Variants in KCNMB4 observed in about 807,000 individuals in gnomAD.
The protein encoded by KCNMB4 is potassium calcium-activated channel subfamily M regulatory beta subunit 4.
KCNMB4 carries 3 observed loss-of-function variants against 20.7 expected under a neutral mutation model. The ratio of observed to expected loss-of-function variants is 0.14; its 90% CI spans 0.07 to 0.37. The LOEUF (loss-of-function observed/expected upper bound fraction) is 0.37. Ranked by LOEUF, KCNMB4 falls within the 10% of genes least tolerant of loss-of-function variation. KCNMB4 has a pLI of 1.00. For synonymous variants in KCNMB4, 110 were observed against 113.4 expected (o/e 0.97, Z 0.19); for missense variants, 168 against 265.9 (o/e 0.63, Z 2.56).
chr12:70,425,173 A>G (rs541144099), intron 2 of KCNMB4, among the ~76,000 whole-genome samples: 16 of 152,206 alleles, frequency 1.1e-4, no homozygotes, highest in Admixed American at 7.2e-4. Flanking sequence ...GTGGTGGCTC[A>G]TGCCTGTAAT....
intron 2 of KCNMB4, among the ~76,000 whole-genome samples, chr12:70,407,465 T>C (rs899542059): frequency 7.4e-4 from 91 of 123,540 alleles, no homozygotes; most frequent in Non-Finnish European, 1.3e-3. Flanking sequence ...GAATTCTTTT[T>C]TTTTTTTTTT....
chr12:70,381,628 C>T (rs1212170080), intron 1 of KCNMB4, among the ~76,000 whole-genome samples: 2 of 152,048 alleles, frequency 1.3e-5, no homozygotes, highest in Admixed American at 6.5e-5. Flanking sequence ...AAAAAACACA[C>T]GTTATATGAG....
chr12:70,378,910 T>C lies in KCNMB4; in HGVS notation c.336+11840T>C, dbSNP rs112399403. On this transcript the variant is annotated intron_variant, in intron 1 of 2. Transcript: ENST00000258111. ...TGATCCATGGGCTGCAGTATGGATGTCATGTTAGCAGGCATGAAAACAACA... is the reference window on the plus strand; with the variant it reads ...TGATCCATGGGCTGCAGTATGGATGCCATGTTAGCAGGCATGAAAACAACA... 9.9e-3 allele frequency among the ~76,000 whole-genome samples: 1,505 copies of C among 152,298 alleles called. 16 individuals carry two copies. The highest frequency in any genetic ancestry group is 0.015 in the Non-Finnish European group (1,053 of 68,016).
intron 1 of KCNMB4, among the ~76,000 whole-genome samples, chr12:70,388,331 G>C (rs777507603): frequency 7.9e-5 from 12 of 151,830 alleles, no homozygotes; most frequent in African/African-American, 2.9e-4. Flanking sequence ...CTTTTCTTTT[G>C]GGTATATACC....
At chr12:70,407,527 G>A (rs1049548172) in intron 2 of KCNMB4, among the ~76,000 whole-genome samples, 4 of 138,194 alleles carry the variant, frequency 2.9e-5, no homozygotes, top group Non-Finnish European at 6.0e-5. Flanking sequence ...GAGTGCAGTG[G>A]CTTGATCTCT....
rs1402945718 is a variant in KCNMB4 at position 70,431,789 on chromosome 12, CTATTTACT to C, written c.*1137_*1144del. The C allele has an allele frequency of 1.3e-5, 2 of 152,106 alleles. No individual in the cohort carries two copies. The highest frequency in any genetic ancestry group is 4.8e-5 in the African/African-American group (2 of 41,406). 9.4% of individuals were successfully genotyped at this position (152,106 alleles called of 1,614,324 possible). A position where few individuals can be genotyped will look rare whatever the true frequency, so the allele number is the denominator to read the frequency against. ...TCGCAGGTCTCAGTGAACATCAAAC[CTATTTACT>C]ACATAGAATCAAACCTTTGTTTAGG... On this transcript the variant is annotated 3_prime_UTR_variant, in exon 3 of 3. Coordinates refer to ENST00000258111, the MANE Select transcript of KCNMB4 (RefSeq NM_014505.6).
rs1883497114 is a variant in KCNMB4, at chr12:70,366,637, G to A, written c.-98G>A. 58 of 895,002 alleles carry A rather than the reference G, an allele frequency of 6.5e-5. No homozygotes were observed. Among genetic ancestry groups the A allele is most frequent in the Non-Finnish European group, 7.7e-5 (53 of 691,916 alleles). 55.4% of individuals were successfully genotyped at this position (895,002 alleles called of 1,614,324 possible). On this transcript the variant is annotated 5_prime_UTR_variant, in exon 1 of 3. Transcript: ENST00000258111. ...TCCCCTGCTGTCGCGCGGCGGCGGCGGTGGCGGCGGCGGCTCCTCCCGCCC... is the reference window on the plus strand; with the variant it reads ...TCCCCTGCTGTCGCGCGGCGGCGGCAGTGGCGGCGGCGGCTCCTCCCGCCC...
intron 1 of KCNMB4, among the ~76,000 whole-genome samples, chr12:70,397,364 T>A (rs1465200883): frequency 6.6e-6 from 1 of 152,154 alleles, no homozygotes; most frequent in Non-Finnish European, 1.5e-5. Context: ...AAAAATTCTT[T>A]CCAGGCAATG....
At chr12:70,377,381 T>G (rs1883705982) in intron 1 of KCNMB4, among the ~76,000 whole-genome samples, 1 of 152,226 alleles carries the variant, frequency 6.6e-6, no homozygotes, top group Non-Finnish European at 1.5e-5. Context: ...ACATTTATAC[T>G]ATATTAATGT....
At chr12:70,419,822 A>G (rs964706698) in intron 2 of KCNMB4, among the ~76,000 whole-genome samples, 1 of 152,234 alleles carries the variant, frequency 6.6e-6, no homozygotes, top group South Asian at 2.1e-4. Flanking sequence ...GAGGATGGAT[A>G]TTAAAATTGC....
intron 1 of KCNMB4, among the ~76,000 whole-genome samples, chr12:70,393,628 T>C (rs1387168219): frequency 6.6e-6 from 1 of 152,216 alleles, no homozygotes; most frequent in African/African-American, 2.4e-5. Context: ...TAAGTGAATA[T>C]TATTAAATTC....
chr12:70,388,956 C>T (rs1234604915), intron 1 of KCNMB4, among the ~76,000 whole-genome samples: 2 of 148,700 alleles, frequency 1.3e-5, no homozygotes, highest in Non-Finnish European at 3.0e-5. Flanking sequence ...CTGGTTTTAA[C>T]TATTTTTAGG....
At chr12:70,377,220 A>G (rs1883703489) in intron 1 of KCNMB4, among the ~76,000 whole-genome samples, 2 of 152,234 alleles carry the variant, frequency 1.3e-5, no homozygotes, top group African/African-American at 4.8e-5. Flanking sequence ...AAACAAAACC[A>G]TCTTGAAAAA....
rs182533251 is a variant in KCNMB4 at position 70,419,572 on chromosome 12, T to A, written c.465-10913T>A. On this transcript the variant is annotated intron_variant, in intron 2 of 2. Coordinates refer to ENST00000258111, the MANE Select transcript of KCNMB4 (RefSeq NM_014505.6). ...AAAATTCAGAATTAAAAAAAAATAT[T>A]CAAAGGATAGTTAATGAACAAAAAC... 6.4e-3 allele frequency among the ~76,000 whole-genome samples: 972 copies of A among 152,170 alleles called. 17 individuals are homozygous for A. The highest frequency in any genetic ancestry group is 0.022 in the Admixed American group (330 of 15,280).
intron 1 of KCNMB4, among the ~76,000 whole-genome samples, chr12:70,385,571 G>A (rs1868250599): frequency 6.6e-6 from 1 of 152,124 alleles, no homozygotes; most frequent in Non-Finnish European, 1.5e-5. Context: ...AAGATATGCT[G>A]AGCATCTTCA....
In KCNMB4 at chr12:70,396,934, C is replaced by T. The variant is rs75425963; in HGVS notation, c.337-3275C>T. ...TTTATGTAAAAATTCTGGCAATCTACGATGATACACTAAGTGAATTGAGAA... is the reference window on the plus strand; with the variant it reads ...TTTATGTAAAAATTCTGGCAATCTATGATGATACACTAAGTGAATTGAGAA... On this transcript the variant is annotated intron_variant, in intron 1 of 2. Coordinates refer to ENST00000258111, the MANE Select transcript of KCNMB4 (RefSeq NM_014505.6). Among the ~76,000 whole-genome samples, 561 of 152,208 alleles carry T rather than the reference C, an allele frequency of 3.7e-3. 3 individuals are homozygous for T. The highest frequency in any genetic ancestry group is 6.1e-3 in the Non-Finnish European group (413 of 68,028).
In KCNMB4 at chr12:70,366,677, C is replaced by A. The variant is rs1237873379; in HGVS notation, c.-58C>A. The A allele has an allele frequency of 3.1e-6, 4 of 1,294,104 alleles. No homozygotes were observed. The highest frequency in any genetic ancestry group is 3.3e-5 in the East Asian group (1 of 30,234). The allele number at this position is 1,294,104 out of a possible 1,614,324, so 80.2% of individuals were successfully genotyped here. A position where few individuals can be genotyped will look rare whatever the true frequency, so the allele number is the denominator to read the frequency against. Reference sequence around the variant, plus strand: ...TCCTCCCGCCCGAGGCAGTCGGGCTCGGCGCCGGGGGCGGGAGGGGGCGGG... The same window carrying A: ...TCCTCCCGCCCGAGGCAGTCGGGCTAGGCGCCGGGGGCGGGAGGGGGCGGG... On this transcript the variant is annotated 5_prime_UTR_variant, in exon 1 of 3. Transcript: ENST00000258111.
chr12:70,395,602 T>C (rs1868344047), intron 1 of KCNMB4, among the ~76,000 whole-genome samples: 1 of 152,186 alleles, frequency 6.6e-6, no homozygotes, highest in Non-Finnish European at 1.5e-5. Context: ...TAATCAAGCA[T>C]TCCATGTTGT....
In KCNMB4 at chr12:70,413,525, C is replaced by A. The variant is rs542907102; in HGVS notation, c.464+13189C>A. 2.0e-5 allele frequency among the ~76,000 whole-genome samples: 3 copies of A among 152,204 alleles called. No individual in the cohort carries two copies. The South Asian group carries it at 6.2e-4, about 32-fold the overall frequency. On this transcript the variant is annotated intron_variant, in intron 2 of 2. Transcript: ENST00000258111. ...GCTCTCTTCGTGACTTAGTGATTGACCTTGGGCTACTTATCAAAGAGCTCT... is the reference window on the plus strand; with the variant it reads ...GCTCTCTTCGTGACTTAGTGATTGAACTTGGGCTACTTATCAAAGAGCTCT...
Sources: allele counts gnomAD v4.1 joint callset (sites outside exome capture counted in the v4.1 genomes callset), GRCh38; gene constraint gnomAD v4.1.1; transcripts MANE v1.5; gene names NCBI Gene and HGNC (gene_info 2026-07-23, HGNC 2026-07-21).